Variants in WDPCP observed in about 807,000 individuals in gnomAD.
WDPCP encodes WD repeat containing planar cell polarity effector.
WDPCP carries 71 observed loss-of-function variants against 93.1 expected under a neutral mutation model. That is an observed-to-expected ratio of 0.76 (90% confidence interval 0.63 to 0.93). WDPCP has a LOEUF of 0.93. Among genes scored for constraint, WDPCP ranks in the 40% least tolerant of loss-of-function variants. WDPCP has a pLI of 0.00. For missense variants in WDPCP, 844 were observed against 887.4 expected (o/e 0.95, Z 0.62); for synonymous variants, 315 against 315.0 (o/e 1.00, Z 0.00).
chr2:63,466,537 A>G (rs923840088), intron 6 of WDPCP, among the ~76,000 whole-genome samples: 1 of 152,204 alleles, frequency 6.6e-6, no homozygotes, highest in Non-Finnish European at 1.5e-5. Flanking sequence ...TATAAATTTA[A>G]AATAAGTCAC....
At chr2:63,656,805 G>T (rs1021916216) in intron 2 of WDPCP, among the ~76,000 whole-genome samples, 4 of 152,210 alleles carry the variant, frequency 2.6e-5, no homozygotes, top group Admixed American at 2.6e-4. Flanking sequence ...AGGTAGTAAA[G>T]TTCAATGAAG....
intron 1 of WDPCP, among the ~76,000 whole-genome samples, chr2:63,573,319 A>C (rs1023328300): frequency 2.2e-4 from 33 of 152,128 alleles, no homozygotes; most frequent in African/African-American, 7.7e-4. Context: ...TGTTGTGGGA[A>C]GTCAGGGGCC....
intron 9 of WDPCP, among the ~76,000 whole-genome samples, chr2:63,429,974 T>TACACACAC (rs1558623648): frequency 9.2e-6 from 1 of 108,188 alleles, no homozygotes; most frequent in African/African-American, 3.7e-5. Flanking sequence ...AAGAAAATGT[T>TACACACAC]ATACACACAC....
chr2:63,372,121 GC>G (rs1397247285), intron 12 of WDPCP, among the ~76,000 whole-genome samples: 2 of 152,286 alleles, frequency 1.3e-5, no homozygotes, highest in Non-Finnish European at 2.9e-5. Flanking sequence ...GGGGGAGCCA[GC>G]ATCTCACATG....
chr2:63,147,922 C>T (rs550483048), intron 17 of WDPCP, among the ~76,000 whole-genome samples: 1 of 140,238 alleles, frequency 7.1e-6, no homozygotes, highest in Non-Finnish European at 1.5e-5. Flanking sequence ...GAGCCAAGAT[C>T]GTGCCACTGC....
chr2:63,596,928 T>C (rs1205586482), intron 3 of WDPCP, among the ~76,000 whole-genome samples: 1 of 152,202 alleles, frequency 6.6e-6, no homozygotes, highest in Non-Finnish European at 1.5e-5. Flanking sequence ...AAGATTAAAT[T>C]TGATAGTAAT....
intron 14 of WDPCP, among the ~76,000 whole-genome samples, chr2:63,188,833 G>A (rs1674827285): frequency 1.3e-5 from 2 of 151,914 alleles, no homozygotes; most frequent in African/African-American, 4.8e-5. Context: ...TGTTCCTTTG[G>A]TCAGGCCATG....
chr2:63,518,406 G>T (rs1265469277), intron 1 of WDPCP: 1 of 152,186 alleles, frequency 6.6e-6, no homozygotes, highest in African/African-American at 2.4e-5. Flanking sequence ...AGGGTGAGTT[G>T]AGCAGGTAAA....
chr2:63,191,260 C>T (rs774848222), intron 14 of WDPCP, among the ~76,000 whole-genome samples: 4 of 152,016 alleles, frequency 2.6e-5, no homozygotes, highest in Admixed American at 1.3e-4. Context: ...GGCGTGGTGG[C>T]GGGCCCCTGT....
At chr2:63,494,287 T>TGACGATGAC (rs1553411030) in intron 1 of WDPCP, among the ~76,000 whole-genome samples, 9 of 150,454 alleles carry the variant, frequency 6.0e-5, no homozygotes, top group South Asian at 2.1e-4. Context: ...ATGATGATGA[T>TGACGATGAC]GACGACGACG....
chr2:63,447,864 T>C (rs1170883444), intron 6 of WDPCP, among the ~76,000 whole-genome samples: 1 of 152,118 alleles, frequency 6.6e-6, no homozygotes, highest in East Asian at 1.9e-4. Context: ...GATGAGTGTT[T>C]GAAAAAAGAT....
At chr2:63,662,543 T>A (rs1710237056) in intron 2 of WDPCP, among the ~76,000 whole-genome samples, 1 of 151,930 alleles carries the variant, frequency 6.6e-6, no homozygotes, top group African/African-American at 2.4e-5. Context: ...GTTAAGCCCA[T>A]GATAAGAGCC....
chr2:63,184,819 G>T (rs770637839), intron 14 of WDPCP, among the ~76,000 whole-genome samples: 6 of 151,980 alleles, frequency 3.9e-5, no homozygotes, highest in Non-Finnish European at 7.4e-5. Flanking sequence ...TCAAAACTTT[G>T]TTTTTTCTTC....
At chr2:63,420,364 A>AAAAAAAAAC (rs1553384392) in intron 9 of WDPCP, among the ~76,000 whole-genome samples, 5 of 149,958 alleles carry the variant, frequency 3.3e-5, no homozygotes, top group African/African-American at 9.9e-5. Context: ...CTTTACTTAA[A>AAAAAAAAAC]AAAAAAAAAA....
chr2:63,191,964 A>G (rs1182180634), intron 14 of WDPCP, among the ~76,000 whole-genome samples: 1 of 152,212 alleles, frequency 6.6e-6, no homozygotes, highest in Non-Finnish European at 1.5e-5. Flanking sequence ...GTTGAGATAG[A>G]GGCCATATGA....
At chr2:63,124,898 A>G (rs560618806) in intron 17 of WDPCP, among the ~76,000 whole-genome samples, 3 of 151,892 alleles carry the variant, frequency 2.0e-5, no homozygotes, top group Admixed American at 6.6e-5. Context: ...TAGTTTTTTA[A>G]TGTACTAACA....
At chr2:63,338,566 AAAAAT>A (rs1688601165) in intron 12 of WDPCP, among the ~76,000 whole-genome samples, 1 of 9,916 alleles carries the variant, frequency 1.0e-4, no homozygotes, top group East Asian at 8.3e-3. Flanking sequence ...AAAAAAAAAA[AAAAAT>A]ATATATATAT....
At chr2:63,496,190 TAC>T (rs1701211960) in intron 1 of WDPCP, among the ~76,000 whole-genome samples, 2 of 152,296 alleles carry the variant, frequency 1.3e-5, no homozygotes, top group Middle Eastern at 3.4e-3. Flanking sequence ...GTAAATTAAA[TAC>T]AGATAAAATT....
intron 13 of WDPCP, among the ~76,000 whole-genome samples, chr2:63,287,910 T>C (rs889060410): frequency 1.1e-4 from 17 of 152,190 alleles, no homozygotes; most frequent in African/African-American, 4.1e-4. Flanking sequence ...ATTGCAATTA[T>C]AAGGTATGTA....
Sources: allele counts gnomAD v4.1 joint callset (sites outside exome capture counted in the v4.1 genomes callset), GRCh38; gene constraint gnomAD v4.1.1; transcripts MANE v1.5; gene names NCBI Gene and HGNC (gene_info 2026-07-23, HGNC 2026-07-21).